The following GNPTAB variants were observed in gnomAD, a reference collection of about 807,000 sequenced individuals.
GNPTAB encodes N-acetylglucosamine-1-phosphotransferase subunits alpha/beta.
Under a neutral mutation model 136.6 loss-of-function variants are expected in GNPTAB, and 92 were observed. The observed-to-expected ratio is 0.67, with a 90% CI of 0.57 to 0.80. The LOEUF (loss-of-function observed/expected upper bound fraction) is 0.80. GNPTAB is among the 30% of genes least tolerant of loss of function. The pLI is 0.00. For synonymous variants in GNPTAB, 512 were observed against 535.1 expected, an observed-to-expected ratio of 0.96 and a Z score of 0.60; for missense variants, 1,343 against 1,501.8, an observed-to-expected ratio of 0.89 and a Z score of 1.75.
rs760434842 is a variant in GNPTAB at position 101,764,871 on chromosome 12, A to G, written c.2046T>C (p.Asp682=). 2.7e-5 allele frequency: 43 copies of G among 1,614,078 alleles called. No individual in the cohort carries two copies. In the East Asian group the frequency reaches 9.4e-4, roughly 35 times the overall value. The part of the protein sequence containing the change: ...EKRFPKFKRH[D]VNSTRRAQEE... ...CCTGGGCTCTCCTTGTTGAGTTAACATCATGTCTCTTAAACTTCGGGAAGC... is the reference window on the plus strand; with the variant it reads ...CCTGGGCTCTCCTTGTTGAGTTAACGTCATGTCTCTTAAACTTCGGGAAGC... The change falls in exon 13 of 21, where the codon GAT becomes GAC. Residue 682 remains aspartate, a synonymous_variant. Coordinates refer to ENST00000299314, the MANE Select transcript of GNPTAB (RefSeq NM_024312.5).
At chr12:101,786,686 T>C (rs1465949170) in intron 4 of GNPTAB, among the ~76,000 whole-genome samples, 1 of 152,214 alleles carries the variant, frequency 6.6e-6, no homozygotes, top group South Asian at 2.1e-4. Flanking sequence ...AACTGTGACA[T>C]GGTTCTAAAA....
In GNPTAB at chr12:101,757,634, T is replaced by G; in HGVS notation, c.3273A>C (p.Val1091=). Reference sequence around the variant, plus strand: ...TGTCAGTTACTGGTTTACAGTTTGTTACTAGACTTTTAGTGACCGGTGGCT... The same window carrying G: ...TGTCAGTTACTGGTTTACAGTTTGTGACTAGACTTTTAGTGACCGGTGGCT... ...PNLPPVTKSL[V]TNCKPVTDKI... is the part of the protein sequence containing the mutation. Residue 1091 remains valine (V), a synonymous_variant, in exon 17 of 21, where the codon GTA becomes GTC. Coordinates refer to ENST00000299314, the MANE Select transcript of GNPTAB (RefSeq NM_024312.5). 1.3e-6 allele frequency: 2 copies of G among 1,582,182 alleles called. No homozygotes were observed. The highest frequency in any genetic ancestry group is 1.7e-6 in the Non-Finnish European group (2 of 1,151,254).
At chr12:101,791,321 G>T (rs1258080165) in intron 2 of GNPTAB, among the ~76,000 whole-genome samples, 1 of 152,104 alleles carries the variant, frequency 6.6e-6, no homozygotes, top group Non-Finnish European at 1.5e-5. Flanking sequence ...TATGACACAG[G>T]AGTTCATGTG....
intron 1 of GNPTAB, among the ~76,000 whole-genome samples, chr12:101,808,427 A>T (rs1348260479): frequency 6.6e-6 from 1 of 151,066 alleles, no homozygotes; most frequent in African/African-American, 2.4e-5. Context: ...CTGTGGACCC[A>T]GCTACTCAGG....
At chr12:101,749,600 T>A (rs922437579) in intron 19 of GNPTAB, among the ~76,000 whole-genome samples, 1 of 152,234 alleles carries the variant, frequency 6.6e-6, no homozygotes, top group African/African-American at 2.4e-5. Flanking sequence ...GTTGCTGACA[T>A]GCTGACTGAT....
At chr12:101,825,105 A>T (rs1871020033) in intron 1 of GNPTAB, among the ~76,000 whole-genome samples, 1 of 152,190 alleles carries the variant, frequency 6.6e-6, no homozygotes, top group East Asian at 1.9e-4. Flanking sequence ...TGACTTTCTA[A>T]GCAATTGTTG....
At chr12:101,809,482 C>T (rs1161472968) in intron 1 of GNPTAB, among the ~76,000 whole-genome samples, 1 of 152,180 alleles carries the variant, frequency 6.6e-6, no homozygotes, top group Non-Finnish European at 1.5e-5. Flanking sequence ...ACGTATATAG[C>T]AGCTTTATTC....
chr12:101,771,530 C>G (rs1185007418), intron 7 of GNPTAB, among the ~76,000 whole-genome samples: 1 of 152,186 alleles, frequency 6.6e-6, no homozygotes. Context: ...AGGCGTGAGC[C>G]ACTGCAACTG....
intron 16 of GNPTAB, among the ~76,000 whole-genome samples, chr12:101,758,037 ATTTT>A (rs565284497): frequency 7.9e-6 from 1 of 126,212 alleles, no homozygotes; most frequent in Non-Finnish European, 1.6e-5. Flanking sequence ...TCATAGTCTC[ATTTT>A]TTTTTTTTTT....
chr12:101,787,619 GA>G (rs1278809150), intron 4 of GNPTAB, among the ~76,000 whole-genome samples: 1 of 151,972 alleles, frequency 6.6e-6, no homozygotes, highest in Non-Finnish European at 1.5e-5. Context: ...AGATAGCTTA[GA>G]AGGCACTTCT....
chr12:101,796,723 A>ACAAAACATGGTATT lies in GNPTAB; in HGVS notation c.143_156dup (p.Phe53AsnfsTer35). The ACAAAACATGGTATT allele has an allele frequency of 6.2e-7, 1 of 1,613,368 alleles. No homozygotes were observed. The highest frequency in any genetic ancestry group is 1.1e-5 in the South Asian group (1 of 91,070). On this transcript the variant is annotated frameshift_variant, in exon 2 of 21. Transcript: ENST00000299314. LOFTEE classifies it high-confidence loss of function. ...GCAATATTGTCTCTATAGGAATCAA[A>ACAAAACATGGTATT]CAAAACATGGTATTGATCTCGGCTC...
Position 101,830,708 on chromosome 12 carries a change from G to C in GNPTAB, c.-33C>G. On this transcript the variant is annotated 5_prime_UTR_variant, in exon 1 of 21. Coordinates refer to ENST00000299314, the MANE Select transcript of GNPTAB (RefSeq NM_024312.5). ...TCACCGCCACGCCACGCCCCGAGGA[G>C]CCTGAGCCGCCGCCGCCGCCGCCGC... The C allele has an allele frequency of 7.4e-7, 1 of 1,352,974 alleles. No homozygotes were observed. Among genetic ancestry groups the C allele is most frequent in the Non-Finnish European group, 1.0e-6 (1 of 984,816 alleles). 83.8% of individuals were successfully genotyped at this position (1,352,974 alleles called of 1,614,324 possible).
rs182600512 is a variant in GNPTAB, at chr12:101,753,419, T to C, written c.3555A>G (p.Pro1185=). The change falls in exon 19 of 21, where the codon CCA becomes CCG. Residue 1185 remains proline, a synonymous_variant. Transcript: ENST00000299314. ...MFPIPSQFEL[P]REYRNRFLHM... is the part of the protein sequence containing the mutation. ...GAAGGAAACGGTTTCGATACTCTCT[T>C]GGCAGTTCAAATTGGGAAGGTATGG... 3.7e-6 allele frequency: 6 copies of C among 1,614,090 alleles called. No homozygotes were observed. The highest frequency in any genetic ancestry group is 4.2e-6 in the Non-Finnish European group (5 of 1,179,934).
In GNPTAB at chr12:101,745,985, T is replaced by C. The variant is rs1314062087; in HGVS notation, c.*1179A>G. 3 of 152,482 alleles carry C rather than the reference T, an allele frequency of 2.0e-5. No homozygotes were observed. Among genetic ancestry groups the C allele is most frequent in the African/African-American group, 4.8e-5 (2 of 41,538 alleles). 9.4% of individuals were successfully genotyped at this position (152,482 alleles called of 1,614,324 possible). ...AGGCGGAGGTTGCAGTGAGCTGAGATTGCGCCACTGCACTCCAGCCTGGGC... is the reference window on the plus strand; with the variant it reads ...AGGCGGAGGTTGCAGTGAGCTGAGACTGCGCCACTGCACTCCAGCCTGGGC... On this transcript the variant is annotated 3_prime_UTR_variant, in exon 21 of 21. Transcript: ENST00000299314.
rs141093654 is a variant in GNPTAB, at chr12:101,766,047, G to A, written c.1612+44C>T. The A allele has an allele frequency of 4.1e-5, 62 of 1,505,378 alleles. No homozygotes were observed. In the East Asian group the frequency reaches 1.4e-3, roughly 33 times the overall value. The allele number at this position is 1,505,378 out of a possible 1,614,324, so 93.3% of individuals were successfully genotyped here. ...TTCAAAACTCTCTCTACCTGTCAAG[G>A]ATGTTTTATGCTCCCATTCTTATTT... On this transcript the variant is annotated intron_variant, in intron 12 of 20. Transcript: ENST00000299314.
At position 101,779,428 on chromosome 12, in the gene GNPTAB, A is replaced by G. The variant is rs775863269; in HGVS notation, c.771+724T>C. On this transcript the variant is annotated intron_variant, in intron 7 of 20. Coordinates refer to ENST00000299314, the MANE Select transcript of GNPTAB (RefSeq NM_024312.5). ...CCCACATGGACTATGTCCTAAGTCA[A>G]TCAGATAAAGGATCTGAAAACAATA... 108 of 152,984 alleles carry G rather than the reference A, an allele frequency of 7.1e-4. 1 individual carries two copies. In the Middle Eastern group the frequency reaches 0.01, roughly 14 times the overall value. 9.5% of individuals were successfully genotyped at this position (152,984 alleles called of 1,614,324 possible).
chr12:101,820,583 T>C (rs942205163), intron 1 of GNPTAB, among the ~76,000 whole-genome samples: 14 of 152,256 alleles, frequency 9.2e-5, no homozygotes, highest in African/African-American at 3.4e-4. Flanking sequence ...TTCTACCCAC[T>C]AAATGCCAGT....
chr12:101,796,740 T>C lies in GNPTAB; in HGVS notation c.140A>G (p.Asp47Gly). 1.9e-6 allele frequency: 3 copies of C among 1,612,970 alleles called. No individual in the cohort carries two copies. The highest frequency in any genetic ancestry group is 2.5e-6 in the Non-Finnish European group (3 of 1,179,192). Residue 47 changes from aspartate to glycine, a missense_variant, in exon 2 of 21, where the codon GAT becomes GGT. Coordinates refer to ENST00000299314, the MANE Select transcript of GNPTAB (RefSeq NM_024312.5). ...GGAATCAAACAAAACATGGTATTGA[T>C]CTCGGCTCCATTCCAGAACCACCTA... ...FGEVVLEWSRDQYHVLFDSYR... is the reference protein window; with the variant it reads ...FGEVVLEWSRGQYHVLFDSYR...
chr12:101,818,702 C>T (rs944687239), intron 1 of GNPTAB, among the ~76,000 whole-genome samples: 15 of 152,102 alleles, frequency 9.9e-5, no homozygotes, highest in African/African-American at 3.6e-4. Context: ...CAACAGTAGA[C>T]AACCTGGCTA....
Sources: gnomAD v4.1 joint callset for allele counts (sites outside exome capture counted in the v4.1 genomes callset) on GRCh38, gnomAD v4.1.1 for gene constraint, MANE v1.5 for transcripts, NCBI Gene and HGNC (gene_info 2026-07-23, HGNC 2026-07-21) for gene names.